Variants in DLG2 observed in about 807,000 individuals in gnomAD.
The protein encoded by DLG2 is disks large homolog 2.
DLG2 carries 45 observed loss-of-function variants against 132.5 expected under a neutral mutation model. The observed-to-expected ratio is 0.34, with a 90% CI of 0.27 to 0.44. The LOEUF is 0.44. DLG2 is among the 20% of genes least tolerant of loss of function. The pLI, the probability that DLG2 is intolerant of heterozygous loss-of-function variation, is 1.00. For missense variants in DLG2, 1,045 were observed against 1,196.9 expected, an observed-to-expected ratio of 0.87 and a Z score of 1.87; for synonymous variants, 424 against 419.6, an observed-to-expected ratio of 1.01 and a Z score of -0.13.
intron 17 of DLG2, among the ~76,000 whole-genome samples, chr11:83,799,292 A>G (rs2043701711): frequency 6.6e-6 from 1 of 152,226 alleles, no homozygotes; most frequent in African/African-American, 2.4e-5. Flanking sequence ...AAGTTTTGTC[A>G]ATAAGTGGCT....
At chr11:84,985,991 CAAAAAAAAA>C (rs71036455) in intron 6 of DLG2, among the ~76,000 whole-genome samples, 3 of 44,214 alleles carry the variant, frequency 6.8e-5, no homozygotes, top group South Asian at 2.4e-3. Context: ...GACTCCGTCT[CAAAAAAAAA>C]AAAAAAAAAA....
At chr11:83,643,953 C>A (rs561343495) in intron 18 of DLG2, among the ~76,000 whole-genome samples, 1 of 151,944 alleles carries the variant, frequency 6.6e-6, no homozygotes, top group African/African-American at 2.4e-5. Flanking sequence ...TTTGGTTACC[C>A]TAAGTAACCA....
chr11:84,717,784 T>C (rs1415067536), intron 6 of DLG2, among the ~76,000 whole-genome samples: 1 of 152,072 alleles, frequency 6.6e-6, no homozygotes, highest in Non-Finnish European at 1.5e-5. Context: ...TAAGGCCATA[T>C]AAGCAACAAT....
intron 3 of DLG2, among the ~76,000 whole-genome samples, chr11:85,328,727 C>T (rs2081540952): frequency 6.6e-6 from 1 of 151,578 alleles, no homozygotes; most frequent in Non-Finnish European, 1.5e-5. Flanking sequence ...GACAAGAATG[C>T]CCTCTCTCAC....
chr11:85,409,939 G>A (rs980360739), intron 3 of DLG2, among the ~76,000 whole-genome samples: 1 of 151,902 alleles, frequency 6.6e-6, no homozygotes, highest in African/African-American at 2.4e-5. Flanking sequence ...AACTGTGACC[G>A]AATATAACAG....
At chr11:85,321,965 T>C (rs999456277) in intron 3 of DLG2, among the ~76,000 whole-genome samples, 1 of 152,060 alleles carries the variant, frequency 6.6e-6, no homozygotes, top group African/African-American at 2.4e-5. Context: ...ATCGATGTTA[T>C]ATTAAGGCTA....
At chr11:83,756,363 G>T (rs1403624021) in intron 18 of DLG2, among the ~76,000 whole-genome samples, 5 of 151,500 alleles carry the variant, frequency 3.3e-5, no homozygotes, top group Admixed American at 3.3e-4. Context: ...ATATAAGATT[G>T]CCAAATGCAT....
At chr11:85,121,818 G>A (rs1424580810) in intron 5 of DLG2, among the ~76,000 whole-genome samples, 2 of 152,070 alleles carry the variant, frequency 1.3e-5, no homozygotes, top group Non-Finnish European at 2.9e-5. Flanking sequence ...ACTATTTATT[G>A]TGAAATGCAC....
intron 16 of DLG2, among the ~76,000 whole-genome samples, chr11:83,849,968 G>C (rs1227760451): frequency 1.3e-5 from 2 of 151,948 alleles, no homozygotes; most frequent in Non-Finnish European, 2.9e-5. Flanking sequence ...AGGGTTTCAA[G>C]GTAAATACAC....
chr11:84,448,463 C>T (rs2099042057), intron 7 of DLG2, among the ~76,000 whole-genome samples: 2 of 152,010 alleles, frequency 1.3e-5, no homozygotes, highest in Non-Finnish European at 2.9e-5. Context: ...GCCATACCAT[C>T]CCTTTGGATC....
chr11:83,813,298 G>A (rs78770311), intron 17 of DLG2, among the ~76,000 whole-genome samples: 2 of 152,268 alleles, frequency 1.3e-5, no homozygotes, highest in African/African-American at 2.4e-5. Context: ...GCCTCGTGCC[G>A]TATCAGAGGA....
At chr11:83,516,414 G>A (rs1235518031) in intron 21 of DLG2, among the ~76,000 whole-genome samples, 3 of 152,144 alleles carry the variant, frequency 2.0e-5, no homozygotes, top group African/African-American at 7.2e-5. Context: ...GAGCCTATGT[G>A]TGTCTCTGCA....
chr11:84,363,115 C>T (rs1355849163), intron 7 of DLG2, among the ~76,000 whole-genome samples: 1 of 150,776 alleles, frequency 6.6e-6, no homozygotes, highest in Non-Finnish European at 1.5e-5. Context: ...AACTAGTTTA[C>T]AGTCCCACCA....
intron 11 of DLG2, among the ~76,000 whole-genome samples, chr11:84,018,503 ATAT>A (rs1288389973): frequency 6.6e-6 from 1 of 152,042 alleles, no homozygotes; most frequent in East Asian, 1.9e-4. Flanking sequence ...ATTGATAGAA[ATAT>A]TATCACCTTA....
chr11:85,060,909 G>C (rs2064054251), intron 6 of DLG2, among the ~76,000 whole-genome samples: 1 of 149,792 alleles, frequency 6.7e-6, no homozygotes, highest in Non-Finnish European at 1.5e-5. Flanking sequence ...TTGCTTTTTT[G>C]TTTTGTTTTT....
intron 15 of DLG2, among the ~76,000 whole-genome samples, chr11:83,885,917 C>T (rs2067728904): frequency 6.6e-6 from 1 of 152,114 alleles, no homozygotes; most frequent in Non-Finnish European, 1.5e-5. Context: ...TTGTCACCAC[C>T]AGGCCTGCCC....
chr11:85,270,708 G>A (rs1030773605), intron 4 of DLG2, among the ~76,000 whole-genome samples: 5 of 152,220 alleles, frequency 3.3e-5, no homozygotes, highest in Non-Finnish European at 7.4e-5. Context: ...AACTTGTTGG[G>A]AACTGGAGTG....
intron 17 of DLG2, among the ~76,000 whole-genome samples, chr11:83,808,280 C>T (rs1310346639): frequency 3.3e-5 from 5 of 152,140 alleles, no homozygotes; most frequent in Non-Finnish European, 1.5e-5. Flanking sequence ...ATTTTAACGT[C>T]AAACCCTTTT....
intron 19 of DLG2, among the ~76,000 whole-genome samples, chr11:83,621,034 A>G (rs894514517): frequency 2.0e-5 from 3 of 152,228 alleles, no homozygotes; most frequent in Admixed American, 6.5e-5. Context: ...ATGGAGATCT[A>G]TCTAGTGAGG....
Sources: gnomAD v4.1 joint callset for allele counts (sites outside exome capture counted in the v4.1 genomes callset) on GRCh38, gnomAD v4.1.1 for gene constraint, MANE v1.5 for transcripts, NCBI Gene and HGNC (gene_info 2026-07-23, HGNC 2026-07-21) for gene names.